The following ITGBL1 variants were observed in gnomAD, a reference collection of about 807,000 sequenced individuals.
The protein encoded by ITGBL1 is integrin beta-like protein 1.
In ITGBL1, 51 loss-of-function variants were observed where a neutral mutation model predicts 68.5. The observed-to-expected ratio is 0.74, with a 90% CI of 0.59 to 0.94. ITGBL1 has a LOEUF of 0.94. Ranked by LOEUF, ITGBL1 falls within the 40% of genes least tolerant of loss-of-function variation. The pLI is 0.00. For synonymous variants in ITGBL1, 209 were observed against 227.3 expected (o/e 0.92, Z 0.72); for missense variants, 649 against 647.4 (o/e 1.00, Z -0.03).
In ITGBL1 at chr13:101,599,659, A is replaced by G. The variant is rs1332831267; in HGVS notation, c.1015+1360A>G. ...CAGTTTCAGCTTTCTACATATGGCTAGCCAGTTTTCCCAGCACCATTTATT... is the reference window on the plus strand; with the variant it reads ...CAGTTTCAGCTTTCTACATATGGCTGGCCAGTTTTCCCAGCACCATTTATT... On this transcript the variant is annotated intron_variant, in intron 7 of 10. Coordinates refer to ENST00000376180, the MANE Select transcript of ITGBL1 (RefSeq NM_004791.3). Among the ~76,000 whole-genome samples, 15 of 152,166 alleles carry G rather than the reference A, an allele frequency of 9.9e-5. No homozygotes were observed. In the East Asian group the frequency reaches 2.9e-3, roughly 29 times the overall value.
chr13:101,628,456 A>G (rs2031862242), intron 7 of ITGBL1, among the ~76,000 whole-genome samples: 1 of 148,814 alleles, frequency 6.7e-6, no homozygotes. Flanking sequence ...TTTTTAAGAC[A>G]AAGTCTCGCT....
intron 7 of ITGBL1, among the ~76,000 whole-genome samples, chr13:101,665,833 A>C (rs1035346481): frequency 6.6e-6 from 1 of 152,202 alleles, no homozygotes; most frequent in Non-Finnish European, 1.5e-5. Context: ...AGAGACTGCC[A>C]AAACCACAGC....
At chr13:101,507,672 T>C (rs747113942) in intron 2 of ITGBL1, among the ~76,000 whole-genome samples, 2 of 152,120 alleles carry the variant, frequency 1.3e-5, no homozygotes, top group Non-Finnish European at 2.9e-5. Flanking sequence ...AATGGATATA[T>C]TGAGGTCACA....
intron 2 of ITGBL1, among the ~76,000 whole-genome samples, chr13:101,541,869 G>A (rs2049711276): frequency 6.6e-6 from 1 of 152,098 alleles, no homozygotes. Flanking sequence ...TTCTCTGATG[G>A]TAGTTTGTGT....
intron 7 of ITGBL1, among the ~76,000 whole-genome samples, chr13:101,653,100 CAAAG>C (rs1209100923): frequency 3.7e-5 from 5 of 136,832 alleles, no homozygotes; most frequent in African/African-American, 1.4e-4. Flanking sequence ...GAGAAAGAAA[CAAAG>C]AAAGAAAAAG....
intron 8 of ITGBL1, among the ~76,000 whole-genome samples, chr13:101,704,041 G>A (rs532861467): frequency 6.6e-6 from 1 of 152,098 alleles, no homozygotes; most frequent in Non-Finnish European, 1.5e-5. Flanking sequence ...GCCCACAAGT[G>A]TGTTGACTCA....
chr13:101,603,853 G>A (rs2030536006), intron 7 of ITGBL1, among the ~76,000 whole-genome samples: 1 of 151,688 alleles, frequency 6.6e-6, no homozygotes, highest in Non-Finnish European at 1.5e-5. Context: ...AGAACTTTAG[G>A]TACAGTGATT....
At chr13:101,456,549 G>A (rs571521986) in intron 2 of ITGBL1, among the ~76,000 whole-genome samples, 70 of 152,214 alleles carry the variant, frequency 4.6e-4, no homozygotes, top group Non-Finnish European at 6.5e-4. Flanking sequence ...AGTAACTTTC[G>A]GAGACCTCTC....
chr13:101,567,347 C>T (rs1220189972), intron 2 of ITGBL1, among the ~76,000 whole-genome samples: 1 of 151,950 alleles, frequency 6.6e-6, no homozygotes, highest in African/African-American at 2.4e-5. Flanking sequence ...ATACAGTAAA[C>T]TAGAAGTATT....
At chr13:101,568,565 T>C (rs1333567033) in intron 3 of ITGBL1, among the ~76,000 whole-genome samples, 4 of 152,102 alleles carry the variant, frequency 2.6e-5, no homozygotes, top group African/African-American at 7.2e-5. Context: ...TCAGTTCTCA[T>C]GTAGTACACC....
At chr13:101,460,404 A>G (rs925043232) in intron 2 of ITGBL1, among the ~76,000 whole-genome samples, 50 of 152,202 alleles carry the variant, frequency 3.3e-4, no homozygotes, top group Non-Finnish European at 6.2e-4. Context: ...TAGCTCACCC[A>G]CTGCATGTAA....
intron 7 of ITGBL1, among the ~76,000 whole-genome samples, chr13:101,644,229 T>C (rs1004171357): frequency 2.0e-5 from 3 of 152,196 alleles, no homozygotes; most frequent in African/African-American, 7.2e-5. Flanking sequence ...AAAACTACTT[T>C]GGTCACTAGA....
At chr13:101,506,677 G>A (rs527522955) in intron 2 of ITGBL1, among the ~76,000 whole-genome samples, 1 of 152,162 alleles carries the variant, frequency 6.6e-6, no homozygotes, top group Non-Finnish European at 1.5e-5. Context: ...AAAAGGTGTT[G>A]TAACTGAGAT....
intron 2 of ITGBL1, among the ~76,000 whole-genome samples, chr13:101,524,520 T>C (rs1238247477): frequency 1.3e-5 from 2 of 151,784 alleles, no homozygotes; most frequent in South Asian, 2.1e-4. Context: ...ATTATGCCAA[T>C]TGACATATAG....
rs147238772 is a variant in ITGBL1, at chr13:101,482,106, C to T, written c.316+28006C>T. On this transcript the variant is annotated intron_variant, in intron 2 of 10. Transcript: ENST00000376180. Reference sequence around the variant, plus strand: ...TATTACGTAATGAGCATGTATTAGCCGAGAAGGCTTGAAAAAGTTGACTTT... The same window carrying T: ...TATTACGTAATGAGCATGTATTAGCTGAGAAGGCTTGAAAAAGTTGACTTT... 7.2e-5 allele frequency among the ~76,000 whole-genome samples: 11 copies of T among 152,168 alleles called. No homozygotes were observed. In the East Asian group the frequency reaches 1.4e-3, roughly 19 times the overall value.
intron 2 of ITGBL1, among the ~76,000 whole-genome samples, chr13:101,532,736 G>T (rs2049505719): frequency 1.3e-5 from 2 of 148,896 alleles, no homozygotes; most frequent in African/African-American, 2.6e-5. Context: ...TGAAGAGACT[G>T]ACCAAAGTAA....
chr13:101,546,140 G>A (rs985864310), intron 2 of ITGBL1, among the ~76,000 whole-genome samples: 5 of 152,196 alleles, frequency 3.3e-5, no homozygotes, highest in South Asian at 2.1e-4. Flanking sequence ...CTTTATGAAC[G>A]TTAGAACATG....
chr13:101,583,096 T>C, intron 5 of ITGBL1, 120 bp from the exon 6 acceptor site: 1 of 923,082 alleles, frequency 1.1e-6, no homozygotes, highest in Non-Finnish European at 1.7e-6. Flanking sequence ...AATATTTTTG[T>C]CTGAATATAT....
At chr13:101,592,701 G>A (rs2050675806) in intron 6 of ITGBL1, among the ~76,000 whole-genome samples, 1 of 152,026 alleles carries the variant, frequency 6.6e-6, no homozygotes, top group Admixed American at 6.6e-5. Context: ...TCAATAAATG[G>A]TGCTGGAGAA....
Sources: gnomAD v4.1 joint callset for allele counts (sites outside exome capture counted in the v4.1 genomes callset) on GRCh38, gnomAD v4.1.1 for gene constraint, MANE v1.5 for transcripts, NCBI Gene and HGNC (gene_info 2026-07-23, HGNC 2026-07-21) for gene names.